The following FHOD1 variants were observed in gnomAD, a reference collection of about 807,000 sequenced individuals.
The protein encoded by FHOD1 is FH1/FH2 domain-containing protein 1.
FHOD1 carries 89 observed loss-of-function variants against 111.6 expected under a neutral mutation model. The observed-to-expected ratio is 0.80, with a 90% CI of 0.67 to 0.95. The LOEUF is 0.95. Ranked by LOEUF, FHOD1 falls within the 40% of genes least tolerant of loss-of-function variation. The probability of loss-of-function intolerance (pLI) is 0.00; values close to 1 mark genes in which losing one functional copy is unlikely to be tolerated. For synonymous variants in FHOD1, 618 were observed against 639.0 expected (o/e 0.97, Z 0.50); for missense variants, 1,446 against 1,554.2 (o/e 0.93, Z 1.17).
At chr16:67,243,020 T>C (rs2034711124) in intron 1 of FHOD1, among the ~76,000 whole-genome samples, 1 of 151,748 alleles carries the variant, frequency 6.6e-6, no homozygotes, top group East Asian at 1.9e-4. Context: ...ATATATTTTA[T>C]AAATATACAT....
chr16:67,231,701 A>T lies in FHOD1; in HGVS notation c.2321T>A (p.Ile774Asn). ...AENFLMTLAS[I>N]GGLAARLQLW... ...TTGTAGACGAGCAGCGAGGCCGCCA[A>T]TGGAGGCAAGAGTCATCAGGAAGTT... The change falls in exon 15 of 22, where the codon ATT becomes AAT. Residue 774 changes from isoleucine to asparagine, a missense_variant. Physicochemically the swap from Ile to Asn is moderately radical, Grantham distance 149. Coordinates refer to ENST00000258201, the MANE Select transcript of FHOD1 (RefSeq NM_013241.3). This position sits in a 1 kb window ranked among gnomAD's most constrained non-coding sequence, Gnocchi z 4.3. 1 of 1,614,158 alleles carries T rather than the reference A, an allele frequency of 6.2e-7. No individual in the cohort carries two copies. Among genetic ancestry groups the T allele is most frequent in the Non-Finnish European group, 8.5e-7 (1 of 1,180,012 alleles).
chr16:67,239,666 AC>A (rs2142294868), intron 1 of FHOD1, among the ~76,000 whole-genome samples: 1 of 152,164 alleles, frequency 6.6e-6, no homozygotes, highest in African/African-American at 2.4e-5. Context: ...CTTTGTTTGT[AC>A]CATCTCCTCT....
At position 67,237,366 on chromosome 16, in the gene FHOD1, G is replaced by C. The variant is rs774687823; in HGVS notation, c.866C>G (p.Pro289Arg). ...CACATCGTAGAAGGAGTCCTGGTCC[G>C]GGAGCGCCGCCAGCGTCTGGAGGGC... Reference protein sequence around the residue: ...TLINKTLAALPDQDSFYDVTD... With the variant: ...TLINKTLAALRDQDSFYDVTD... The change falls in exon 9 of 22, where the codon CCG becomes CGG. Residue 289 changes from proline to arginine, a missense_variant. Around this residue, in one of 3 missense-constraint regions of FHOD1, gnomAD observed 234 missense variants for 327.4 expected, o/e 0.71. Transcript: ENST00000258201. The surrounding 1 kb of genome is among the most constrained non-coding windows in gnomAD (Gnocchi z 5.6). 2 of 1,613,902 alleles carry C rather than the reference G, an allele frequency of 1.2e-6. No homozygotes were observed. The highest frequency in any genetic ancestry group is 1.1e-5 in the South Asian group (1 of 91,078).
chr16:67,242,658 C>T lies in FHOD1; in HGVS notation c.202-3204G>A, dbSNP rs143349791. Among the ~76,000 whole-genome samples the T allele has an allele frequency of 2.1e-4, 32 of 152,312 alleles. No homozygotes were observed. The East Asian group carries it at 4.8e-3, about 23-fold the overall frequency. On this transcript the variant is annotated intron_variant, in intron 1 of 21. Transcript: ENST00000258201. ...TATGGGCCCACTTCCCTGACACCTT[C>T]TTGGCTCTTGTCTTCCTCACTTCTC...
intron 13 of FHOD1, among the ~76,000 whole-genome samples, chr16:67,232,911 C>T (rs938694161): frequency 1.3e-5 from 2 of 151,754 alleles, no homozygotes; most frequent in African/African-American, 4.8e-5. Flanking sequence ...CATGAGCCAC[C>T]ACGCCCAGCT....
rs765158746 is a variant in FHOD1 at position 67,231,300 on chromosome 16, T to G, written c.2555A>C (p.Asp852Ala). 8.2e-5 allele frequency: 133 copies of G among 1,614,030 alleles called. No homozygotes were observed. Among genetic ancestry groups the G allele is most frequent in the Non-Finnish European group, 1.1e-4 (128 of 1,180,026 alleles). Residue 852 changes from aspartate (D) to alanine (A), a missense_variant, in exon 17 of 22, where the codon GAC (aspartate) becomes GCC (alanine). Physicochemically the swap from Asp to Ala is moderately radical, Grantham distance 126 (BLOSUM62 -2). Transcript: ENST00000258201. This position sits in a 1 kb window ranked among gnomAD's most constrained non-coding sequence, Gnocchi z 4.3. Reference protein sequence around the residue: ...SYLEKVSEVKDTVRRQSLLHH... With the variant: ...SYLEKVSEVKATVRRQSLLHH... ...TAGCAGTGACTGTCGACGCACCGTGTCCTTCACCTCTGACACCTTCTCCAG... is the reference window on the plus strand; with the variant it reads ...TAGCAGTGACTGTCGACGCACCGTGGCCTTCACCTCTGACACCTTCTCCAG...
intron 13 of FHOD1, among the ~76,000 whole-genome samples, 187 bp downstream of exon 13, chr16:67,233,470 G>T (rs2034354110): frequency 6.6e-6 from 1 of 152,212 alleles, no homozygotes; most frequent in African/African-American, 2.4e-5. Flanking sequence ...ACCATGCCCG[G>T]CCACATTTAG....
chr16:67,236,407 T>C, intron 11 of FHOD1, 150 bp downstream of exon 11: 1 of 1,469,232 alleles, frequency 6.8e-7, no homozygotes, highest in Non-Finnish European at 9.0e-7. Flanking sequence ...TGGCAGTCAC[T>C]TACCAAACGG....
At chr16:67,236,796 G>A in intron 10 of FHOD1, 63 bp from the exon 11 acceptor site, 1 of 1,334,006 alleles carries the variant, frequency 7.5e-7, no homozygotes, top group East Asian at 2.5e-5. Context: ...CTGTCAGTGG[G>A]GTGGGGCCTG....
chr16:67,239,250 G>T, intron 2 of FHOD1, 98 bp downstream of exon 2: 1 of 981,816 alleles, frequency 1.0e-6, no homozygotes, highest in Non-Finnish European at 1.6e-6. Context: ...GTGACCCATG[G>T]CTCAGGCTAG....
rs553184743 is a variant in FHOD1 at position 67,236,958 on chromosome 16, G to C, written c.1142+8C>G. 1.9e-6 allele frequency: 3 copies of C among 1,573,996 alleles called. No homozygotes were observed. Among genetic ancestry groups the C allele is most frequent in the African/African-American group, 2.7e-5 (2 of 73,268 alleles). The stretch of plus-strand genomic sequence containing the variant: ...CACCCTTTCCCATCTACAGATGCTC[G>C]TACTTACCCAGGTTCCGGGGCACGC... On this transcript the variant is annotated splice_region_variant and intron_variant, in intron 10 of 21. Coordinates refer to ENST00000258201, the MANE Select transcript of FHOD1 (RefSeq NM_013241.3).
At chr16:67,247,079 G>C (rs1308659268) in intron 1 of FHOD1, 131 bp downstream of exon 1, 2 of 1,090,398 alleles carry the variant, frequency 1.8e-6, no homozygotes, top group Non-Finnish European at 2.5e-6. Flanking sequence ...GTGGACCCTG[G>C]GACCCCAGCC....
chr16:67,247,399 C>A lies in FHOD1; in HGVS notation c.12G>T (p.Gly4=), dbSNP rs754191769. MAG[G]EDRGDGEPVS... is the part of the protein sequence containing the mutation. ...CCGGCTCTCCGTCCCCGCGGTCTTC[C>A]CCGCCCGCCATGGCTCTGCGGCCGG... is the stretch of plus-strand genomic sequence containing the variant. Residue 4 remains glycine (G), a synonymous_variant, in exon 1 of 22, where the codon GGG becomes GGT. Coordinates refer to ENST00000258201, the MANE Select transcript of FHOD1 (RefSeq NM_013241.3). 5 of 1,612,744 alleles carry A rather than the reference C, an allele frequency of 3.1e-6. No individual in the cohort carries two copies. The South Asian group carries it at 4.4e-5, about 14-fold the overall frequency.
chr16:67,234,772 GT>G (rs952200999), intron 11 of FHOD1: 1,256 of 309,188 alleles, frequency 4.1e-3, no homozygotes, highest in South Asian at 7.2e-3. Context: ...TTTTTGGTTG[GT>G]TTTTTTTTTA....
chr16:67,242,199 C>A (rs2034686748), intron 1 of FHOD1, among the ~76,000 whole-genome samples: 1 of 152,194 alleles, frequency 6.6e-6, no homozygotes, highest in South Asian at 2.1e-4. Flanking sequence ...GAACTCCTGA[C>A]CTCAAGTGAT....
At position 67,237,189 on chromosome 16, in the gene FHOD1, T is replaced by C; in HGVS notation, c.993+50A>G. ...TGGGGTGGGGCGCTGGGGACTGCGC[T>C]TCTCTCTTCCCTCTTTCCAATCCGC... On this transcript the variant is annotated intron_variant, in intron 9 of 21. Transcript: ENST00000258201. This position sits in a 1 kb window ranked among gnomAD's most constrained non-coding sequence, Gnocchi z 5.6. 1 of 1,604,714 alleles carries C rather than the reference T, an allele frequency of 6.2e-7. No homozygotes were observed. The highest frequency in any genetic ancestry group is 1.3e-5 in the African/African-American group (1 of 74,844).
At position 67,237,859 on chromosome 16, in the gene FHOD1, C is replaced by T; in HGVS notation, c.643-91G>A. The T allele has an allele frequency of 7.2e-7, 1 of 1,393,550 alleles. No homozygotes were observed. The highest frequency in any genetic ancestry group is 1.0e-6 in the Non-Finnish European group (1 of 986,418). 86.3% of individuals were successfully genotyped at this position (1,393,550 alleles called of 1,614,324 possible). A position where few individuals can be genotyped will look rare whatever the true frequency, so the allele number is the denominator to read the frequency against. ...AAGGGGAAGGGCTGCTGGGGCTGGA[C>T]CCAGAGAGAATCTAGGCAGAATGAC... On this transcript the variant is annotated intron_variant, in intron 6 of 21. Coordinates refer to ENST00000258201, the MANE Select transcript of FHOD1 (RefSeq NM_013241.3). This position sits in a 1 kb window ranked among gnomAD's most constrained non-coding sequence, Gnocchi z 5.6.
intron 13 of FHOD1, among the ~76,000 whole-genome samples, chr16:67,232,698 C>T (rs977978003): frequency 2.0e-5 from 3 of 152,160 alleles, no homozygotes; most frequent in Non-Finnish European, 2.9e-5. Context: ...CCTGGCTCTA[C>T]CATCTAGGCT....
Position 67,237,904 on chromosome 16 carries a change from AC to A in FHOD1, c.642+129del. On this transcript the variant is annotated intron_variant, in intron 6 of 21. Coordinates refer to ENST00000258201, the MANE Select transcript of FHOD1 (RefSeq NM_013241.3). The surrounding 1 kb of genome is among the most constrained non-coding windows in gnomAD (Gnocchi z 5.6). ...AATGACCCTGGCCCCAGGCCCAGGC[AC>A]TGAAGTGCCTTATAGGCTTACAGAG... 7.6e-7 allele frequency: 1 copy of A among 1,310,030 alleles called. No homozygotes were observed. Among genetic ancestry groups the A allele is most frequent in the Non-Finnish European group, 1.1e-6 (1 of 919,170 alleles). The allele number at this position is 1,310,030 out of a possible 1,614,324, so 81.2% of individuals were successfully genotyped here.
Sources: allele counts gnomAD v4.1 joint callset (sites outside exome capture counted in the v4.1 genomes callset), GRCh38; gene constraint gnomAD v4.1.1; regional missense constraint gnomAD v4.1.1; non-coding constraint Gnocchi (gnomAD v3.1); transcripts MANE v1.5; gene names NCBI Gene and HGNC (gene_info 2026-07-23, HGNC 2026-07-21).